The following PTPRG variants were observed in gnomAD, a reference collection of about 807,000 sequenced individuals.
PTPRG encodes receptor-type tyrosine-protein phosphatase gamma.
A neutral mutation model predicts 165.3 loss-of-function variants in PTPRG; 102 were observed. The ratio of observed to expected loss-of-function variants is 0.62; its 90% CI spans 0.53 to 0.73. The LOEUF (loss-of-function observed/expected upper bound fraction) is 0.73, where lower values mean the gene tolerates loss of function less well. Ranked by LOEUF, PTPRG falls within the 30% of genes least tolerant of loss-of-function variation. The pLI, the probability that PTPRG is intolerant of heterozygous loss-of-function variation, is 0.00. For synonymous variants in PTPRG, 675 were observed against 669.5 expected (o/e 1.01, Z -0.13); for missense variants, 1,866 against 1,861.4 (o/e 1.00, Z -0.05).
At chr3:61,646,921 C>G (rs1197804565) in intron 1 of PTPRG, among the ~76,000 whole-genome samples, 1 of 152,178 alleles carries the variant, frequency 6.6e-6, no homozygotes, top group Non-Finnish European at 1.5e-5. Context: ...GTGTAGCTCC[C>G]CAGACCCATC....
chr3:62,261,447 A>C (rs1370597326), intron 16 of PTPRG, among the ~76,000 whole-genome samples: 2 of 152,214 alleles, frequency 1.3e-5, no homozygotes, highest in African/African-American at 4.8e-5. Context: ...GGCAGCCTTA[A>C]AGCTCCTTAA....
chr3:62,021,069 G>C (rs1463918977), intron 4 of PTPRG, among the ~76,000 whole-genome samples: 1 of 152,126 alleles, frequency 6.6e-6, no homozygotes, highest in African/African-American at 2.4e-5. Context: ...TACGACTCTG[G>C]TCATCTGTTG....
intron 2 of PTPRG, among the ~76,000 whole-genome samples, chr3:61,830,417 G>C (rs989870953): frequency 1.1e-4 from 16 of 139,764 alleles, no homozygotes; most frequent in African/African-American, 3.5e-4. Context: ...CTCTCCAACT[G>C]TCTGTCTATA....
Position 62,203,863 on chromosome 3 carries a change from C to CT in PTPRG, c.2068_2069insT (p.Pro690LeufsTer9). ...AGAGGAGCAGTATGCAGGGAGTGAT[C>CT]CCAAGAGGCCCGAAATGCCATCTAA... On this transcript the variant is annotated frameshift_variant, in exon 12 of 30. Transcript: ENST00000474889. LOFTEE classifies it high-confidence loss of function. The surrounding 1 kb of genome is among the most constrained non-coding windows in gnomAD (Gnocchi z 6.4). 1 of 1,613,934 alleles carries CT rather than the reference C, an allele frequency of 6.2e-7. No individual in the cohort carries two copies. Among genetic ancestry groups the CT allele is most frequent in the African/African-American group, 1.3e-5 (1 of 75,056 alleles).
intron 3 of PTPRG, among the ~76,000 whole-genome samples, chr3:61,997,303 A>T (rs965579936): frequency 3.3e-5 from 5 of 152,012 alleles, no homozygotes; most frequent in African/African-American, 1.2e-4. Context: ...CCCTAATCTG[A>T]TCTTGCCTGT....
intron 2 of PTPRG, among the ~76,000 whole-genome samples, chr3:61,759,533 G>GT (rs1222955420): frequency 2.6e-5 from 4 of 151,822 alleles, no homozygotes; most frequent in Non-Finnish European, 4.4e-5. Context: ...GCTCACGCCT[G>GT]TAAGTCCCAG....
intron 2 of PTPRG, among the ~76,000 whole-genome samples, chr3:61,955,180 C>T (rs1391196083): frequency 6.6e-6 from 1 of 152,212 alleles, no homozygotes; most frequent in Admixed American, 6.5e-5. Context: ...GAACTTTATT[C>T]TGTTCTGCTT....
chr3:61,999,424 C>T (rs1198398840), intron 3 of PTPRG, among the ~76,000 whole-genome samples: 14 of 152,122 alleles, frequency 9.2e-5, no homozygotes, highest in Admixed American at 7.2e-4. Context: ...CCCAAAGGCC[C>T]TGACGCATCA....
chr3:61,679,754 C>G (rs1310340596), intron 1 of PTPRG, among the ~76,000 whole-genome samples: 1 of 152,036 alleles, frequency 6.6e-6, no homozygotes, highest in Non-Finnish European at 1.5e-5. Context: ...GCACTGCAGC[C>G]TGGGCGACGA....
intron 2 of PTPRG, among the ~76,000 whole-genome samples, chr3:61,964,915 AAAT>A (rs1052790952): frequency 6.6e-6 from 1 of 152,118 alleles, no homozygotes; most frequent in Non-Finnish European, 1.5e-5. Flanking sequence ...CCTTTAAAAA[AAAT>A]CCAATCAAAA....
chr3:61,567,287 C>T (rs1049903508), intron 1 of PTPRG, among the ~76,000 whole-genome samples: 2 of 152,148 alleles, frequency 1.3e-5, no homozygotes, highest in Non-Finnish European at 2.9e-5. Flanking sequence ...AGGAGGGACT[C>T]AGGAGGGGCT....
intron 2 of PTPRG, among the ~76,000 whole-genome samples, chr3:61,778,384 C>T (rs1397407920): frequency 6.6e-6 from 1 of 152,050 alleles, no homozygotes; most frequent in South Asian, 2.1e-4. Flanking sequence ...AAGCTGCACT[C>T]CTATGCAAAC....
At chr3:62,113,102 ATCT>A (rs1476468590) in intron 5 of PTPRG, among the ~76,000 whole-genome samples, 1 of 152,214 alleles carries the variant, frequency 6.6e-6, no homozygotes, top group African/African-American at 2.4e-5. Flanking sequence ...TTAGTGCAAC[ATCT>A]TCTTGTGCTC....
At chr3:61,829,697 TTTG>T (rs1004489662) in intron 2 of PTPRG, among the ~76,000 whole-genome samples, 51 of 152,352 alleles carry the variant, frequency 3.3e-4, no homozygotes, top group African/African-American at 1.2e-3. Flanking sequence ...TGCAGGATTT[TTTG>T]TTGTTTTGTT....
chr3:61,865,894 A>T (rs2037392594), intron 2 of PTPRG, among the ~76,000 whole-genome samples: 1 of 152,202 alleles, frequency 6.6e-6, no homozygotes, highest in African/African-American at 2.4e-5. Flanking sequence ...GCAGTTGCTC[A>T]AAAGGCACTG....
rs533623731 is a variant in PTPRG, at chr3:61,727,459, A to G, written c.86-21419A>G. On this transcript the variant is annotated intron_variant, in intron 1 of 29. Coordinates refer to ENST00000474889, the MANE Select transcript of PTPRG (RefSeq NM_002841.4). ...GACCCACGGTGCCCGGCCCATATCA[A>G]AAAGTTAAAACCATGGATTTTATAC... Among the ~76,000 whole-genome samples, 4 of 152,340 alleles carry G rather than the reference A, an allele frequency of 2.6e-5. No individual in the cohort carries two copies. The East Asian group carries it at 7.7e-4, about 29-fold the overall frequency.
intron 5 of PTPRG, among the ~76,000 whole-genome samples, chr3:62,095,434 G>A (rs745721416): frequency 1.3e-5 from 2 of 152,136 alleles, no homozygotes; most frequent in Non-Finnish European, 1.5e-5. Context: ...ACCATCCTGC[G>A]TTCTCAATGA....
intron 2 of PTPRG, chr3:61,925,868 G>A: frequency 2.0e-6 from 1 of 492,750 alleles, no homozygotes. Flanking sequence ...TCCTTGGGAT[G>A]AATACATTAC....
chr3:62,134,153 C>T (rs755014660), intron 6 of PTPRG, among the ~76,000 whole-genome samples: 10 of 152,082 alleles, frequency 6.6e-5, no homozygotes, highest in South Asian at 2.1e-4. Flanking sequence ...AACCTTCAGG[C>T]GACAGCAGAG....
Sources: allele counts gnomAD v4.1 joint callset (sites outside exome capture counted in the v4.1 genomes callset), GRCh38; gene constraint gnomAD v4.1.1; non-coding constraint Gnocchi (gnomAD v3.1); transcripts MANE v1.5; gene names NCBI Gene and HGNC (gene_info 2026-07-23, HGNC 2026-07-21).